DSE: variants seen among roughly 807,000 people sequenced by gnomAD.
DSE encodes dermatan-sulfate epimerase.
A neutral mutation model predicts 84.4 loss-of-function variants in DSE; 36 were observed. That is an observed-to-expected ratio of 0.43 (90% confidence interval 0.33 to 0.56). The LOEUF (loss-of-function observed/expected upper bound fraction) is 0.56, where lower values mean the gene tolerates loss of function less well. DSE is among the 20% of genes least tolerant of loss of function. The probability of loss-of-function intolerance (pLI) is 0.06; values close to 1 mark genes in which losing one functional copy is unlikely to be tolerated. For synonymous variants in DSE, 410 were observed against 430.1 expected, an observed-to-expected ratio of 0.95 and a Z score of 0.58; for missense variants, 862 against 1,169.6, an observed-to-expected ratio of 0.74 and a Z score of 3.84.
chr6:116,390,498 C>T (rs1469504979), intron 1 of DSE, among the ~76,000 whole-genome samples: 1 of 152,102 alleles, frequency 6.6e-6, no homozygotes, highest in Non-Finnish European at 1.5e-5. Flanking sequence ...CAAAGCATAA[C>T]AGGCAAAAAT....
intron 2 of DSE, among the ~76,000 whole-genome samples, chr6:116,321,230 G>A (rs1776286722): frequency 3.3e-4 from 1 of 3,014 alleles, no homozygotes; most frequent in Admixed American, 4.1e-3. Context: ...CTGGAGTGCA[G>A]TTGTGTAAGC....
At chr6:116,296,695 G>A (rs188240955) in intron 2 of DSE, among the ~76,000 whole-genome samples, 46 of 152,298 alleles carry the variant, frequency 3.0e-4, no homozygotes, top group South Asian at 4.1e-4. Flanking sequence ...TAGTGTGGCT[G>A]AGTAGTGAAC....
At chr6:116,393,764 A>G (rs1239104246) in intron 1 of DSE, among the ~76,000 whole-genome samples, 1 of 152,202 alleles carries the variant, frequency 6.6e-6, no homozygotes, top group Non-Finnish European at 1.5e-5. Context: ...TTTTTAATCC[A>G]TCTTAGTTTG....
chr6:116,300,768 T>G (rs1774990444), intron 2 of DSE, among the ~76,000 whole-genome samples: 2 of 152,134 alleles, frequency 1.3e-5, no homozygotes, highest in East Asian at 3.9e-4. Flanking sequence ...TAGTGTAAAG[T>G]TTCAGTTCAG....
chr6:116,254,357 A>G lies in DSE; in HGVS notation c.-576+62A>G, dbSNP rs1332590894. 7 of 519,440 alleles carry G rather than the reference A, an allele frequency of 1.3e-5. No homozygotes were observed. In the East Asian group the frequency reaches 3.1e-4, roughly 23 times the overall value. The allele number at this position is 519,440 out of a possible 1,614,324, so 32.2% of individuals were successfully genotyped here. On this transcript the variant is annotated intron_variant, in intron 1 of 3. Coordinates refer to the DSE transcript ENST00000430252. ...AATGAATTTCTAAGGCACCTAACCT[A>G]TTGTTTCTGAAAATATTTACTTTAA...
chr6:116,260,760 T>G (rs1772380597), intron 2 of DSE, among the ~76,000 whole-genome samples: 1 of 152,194 alleles, frequency 6.6e-6, no homozygotes, highest in Non-Finnish European at 1.5e-5. Flanking sequence ...CATTGTTTGT[T>G]TTTGTCAGGT....
chr6:116,332,602 G>A (rs1777017830), intron 2 of DSE, among the ~76,000 whole-genome samples: 1 of 152,012 alleles, frequency 6.6e-6, no homozygotes, highest in Non-Finnish European at 1.5e-5. Flanking sequence ...GGAACAAATT[G>A]GAGTTTAGAA....
chr6:116,258,938 A>AC (rs1772279011), exon 2 of DSE: 3 of 1,538,432 alleles, frequency 2.0e-6, no homozygotes, highest in Non-Finnish European at 2.7e-6. Flanking sequence ...TTGTGGAAGC[A>AC]TTTGGCGGCA....
intron 2 of DSE, among the ~76,000 whole-genome samples, chr6:116,297,573 T>C (rs559734918): frequency 5.5e-4 from 83 of 151,776 alleles, no homozygotes; most frequent in African/African-American, 2.0e-3. Context: ...CTATAATAGT[T>C]AGTGGTTTGG....
At chr6:116,257,493 T>C (rs1464021062) in intron 1 of DSE, among the ~76,000 whole-genome samples, 50 of 152,202 alleles carry the variant, frequency 3.3e-4, no homozygotes. Context: ...CCTTTACCTG[T>C]CTTAGTCCAT....
At chr6:116,285,209 A>G (rs1773807684) in intron 2 of DSE, among the ~76,000 whole-genome samples, 2 of 152,190 alleles carry the variant, frequency 1.3e-5, no homozygotes, top group African/African-American at 4.8e-5. Flanking sequence ...AATGATCGCC[A>G]TTCTAACTGG....
chr6:116,344,498 G>T (rs1264453726), intron 2 of DSE, among the ~76,000 whole-genome samples: 1 of 152,100 alleles, frequency 6.6e-6, no homozygotes, highest in African/African-American at 2.4e-5. Context: ...TTAAAGAAAA[G>T]AATTTTCAAC....
At position 116,440,745 on chromosome 6, in the gene DSE, T is replaced by G. The variant is rs1471142693; in HGVS notation, c.*3400T>G. 6.6e-6 allele frequency: 1 copy of G among 152,214 alleles called. No homozygotes were observed. The highest frequency in any genetic ancestry group is 1.5e-5 in the Non-Finnish European group (1 of 68,040). The allele number at this position is 152,214 out of a possible 1,614,324, so 9.4% of individuals were successfully genotyped here. A position where few individuals can be genotyped will look rare whatever the true frequency, so the allele number is the denominator to read the frequency against. ...TAAATCGAGATTATACTAGGTGAAC[T>G]GGGACATATGGTCATCTTTGTCATA... On this transcript the variant is annotated 3_prime_UTR_variant, in exon 6 of 6. Coordinates refer to ENST00000644252, the MANE Select transcript of DSE (RefSeq NM_013352.4).
intron 1 of DSE, among the ~76,000 whole-genome samples, chr6:116,383,866 A>G (rs1197073278): frequency 6.6e-6 from 1 of 152,230 alleles, no homozygotes; most frequent in Non-Finnish European, 1.5e-5. Context: ...CTAGAGCTTT[A>G]CTTTTCCTCA....
intron 2 of DSE, among the ~76,000 whole-genome samples, chr6:116,261,889 G>A (rs1276141943): frequency 2.0e-5 from 3 of 152,180 alleles, no homozygotes; most frequent in Admixed American, 1.3e-4. Context: ...TTTATGTGAT[G>A]AATCACATCA....
chr6:116,355,434 A>T (rs1464328352), intron 2 of DSE, among the ~76,000 whole-genome samples: 1 of 152,170 alleles, frequency 6.6e-6, no homozygotes, highest in African/African-American at 2.4e-5. Context: ...CTTCTACTCC[A>T]ATTAGGCCAC....
chr6:116,371,361 G>A (rs1185148941), intron 1 of DSE, among the ~76,000 whole-genome samples: 1 of 152,154 alleles, frequency 6.6e-6, no homozygotes, highest in Non-Finnish European at 1.5e-5. Context: ...CAGCCTCGAG[G>A]GGCAGCTTTT....
At chr6:116,363,092 T>G (rs1778989970) in intron 2 of DSE, among the ~76,000 whole-genome samples, 1 of 152,192 alleles carries the variant, frequency 6.6e-6, no homozygotes, top group Non-Finnish European at 1.5e-5. Context: ...CATTAAAATT[T>G]GTCAATTTCA....
intron 2 of DSE, among the ~76,000 whole-genome samples, chr6:116,415,420 G>C (rs1408091577): frequency 6.6e-6 from 1 of 152,070 alleles, no homozygotes; most frequent in Non-Finnish European, 1.5e-5. Context: ...ATCTTGTTTT[G>C]AGATGAGTCT....
Sources: allele counts gnomAD v4.1 joint callset (sites outside exome capture counted in the v4.1 genomes callset), GRCh38; gene constraint gnomAD v4.1.1; transcripts MANE v1.5; gene names NCBI Gene and HGNC (gene_info 2026-07-23, HGNC 2026-07-21).